The following MYO9A variants were observed in gnomAD, a reference collection of about 807,000 sequenced individuals.
The protein encoded by MYO9A is unconventional myosin-IXa.
In MYO9A, 103 loss-of-function variants were observed where a neutral mutation model predicts 293.3. That is an observed-to-expected ratio of 0.35 (90% CI 0.30 to 0.41). The LOEUF (loss-of-function observed/expected upper bound fraction) is 0.41. Among genes scored for constraint, MYO9A ranks in the 10% least tolerant of loss-of-function variants. The pLI is 1.00. For missense variants in MYO9A, 2,685 were observed against 3,033.0 expected (o/e 0.89, Z 2.69); for synonymous variants, 1,001 against 1,035.7 (o/e 0.97, Z 0.64).
intron 30 of MYO9A, among the ~76,000 whole-genome samples, chr15:71,878,713 ATTTCTTTTATTTAAATGAGATCTGGAAT>A (rs2056772273): frequency 6.9e-6 from 1 of 145,676 alleles, no homozygotes; most frequent in Non-Finnish European, 1.5e-5. Flanking sequence ...CTGAAATAGA[ATTTCTTTTATTTAAATGAGATCTGGAAT>A]TTTTTTTTTT....
chr15:72,056,472 A>C (rs1413523065), intron 1 of MYO9A, among the ~76,000 whole-genome samples: 1 of 152,254 alleles, frequency 6.6e-6, no homozygotes, highest in Non-Finnish European at 1.5e-5. Flanking sequence ...CATTAATCTA[A>C]GTGAAGTAAC....
chr15:72,030,258 C>T (rs561527695), intron 3 of MYO9A, among the ~76,000 whole-genome samples: 45 of 152,230 alleles, frequency 3.0e-4, no homozygotes, highest in Non-Finnish European at 4.9e-4. Flanking sequence ...AACCACCTTG[C>T]GTGGCAAATA....
intron 14 of MYO9A, among the ~76,000 whole-genome samples, chr15:71,956,840 C>T (rs1034614689): frequency 1.8e-4 from 18 of 98,206 alleles, no homozygotes; most frequent in Admixed American, 1.1e-3. Flanking sequence ...TATATATACA[C>T]ACACACACAC....
chr15:72,022,774 G>A (rs980022643), intron 4 of MYO9A, among the ~76,000 whole-genome samples: 2 of 151,844 alleles, frequency 1.3e-5, no homozygotes, highest in Non-Finnish European at 2.9e-5. Context: ...TCTCGAACTC[G>A]TGGGGGCTCA....
At chr15:72,060,104 A>G (rs2078838936) in intron 1 of MYO9A, among the ~76,000 whole-genome samples, 1 of 152,138 alleles carries the variant, frequency 6.6e-6, no homozygotes, top group Non-Finnish European at 1.5e-5. Flanking sequence ...ATTTTTTTGT[A>G]CATTTTGGCT....
chr15:72,105,665 G>A (rs145590520), intron 1 of MYO9A, among the ~76,000 whole-genome samples: 1,910 of 151,982 alleles, frequency 0.013, 57 homozygotes, highest in Admixed American at 0.058. Flanking sequence ...GTGCCACCAC[G>A]CCCAGCTAAT....
chr15:71,964,377 T>C lies in MYO9A; in HGVS notation c.1986+3607A>G, dbSNP rs28853032. 5.6e-3 allele frequency among the ~76,000 whole-genome samples: 854 copies of C among 152,254 alleles called. 12 individuals carry two copies. The highest frequency in any genetic ancestry group is 0.019 in the African/African-American group (809 of 41,566). Reference sequence around the variant, plus strand: ...AGAACCACTTTTCAATCAAGCATGGTGGCTCACACCTGTAATCCCAGCACT... The same window carrying C: ...AGAACCACTTTTCAATCAAGCATGGCGGCTCACACCTGTAATCCCAGCACT... On this transcript the variant is annotated intron_variant, in intron 13 of 41. Coordinates refer to ENST00000356056, the MANE Select transcript of MYO9A (RefSeq NM_006901.4).
chr15:72,056,889 C>T (rs1167879709), intron 1 of MYO9A, among the ~76,000 whole-genome samples: 1 of 152,094 alleles, frequency 6.6e-6, no homozygotes, highest in Non-Finnish European at 1.5e-5. Context: ...GCGGGCGGAT[C>T]ACCTGAGGTC....
intron 1 of MYO9A, among the ~76,000 whole-genome samples, chr15:72,090,878 G>C (rs930738720): frequency 1.3e-5 from 2 of 151,840 alleles, no homozygotes; most frequent in African/African-American, 4.8e-5. Flanking sequence ...ACAATGATTG[G>C]GTGCTGGGCG....
chr15:71,875,113 AAT>A (rs2056641780), intron 32 of MYO9A, among the ~76,000 whole-genome samples: 1 of 151,976 alleles, frequency 6.6e-6, no homozygotes, highest in Admixed American at 6.6e-5. Flanking sequence ...TAAACCACAT[AAT>A]ATATATGTGA....
chr15:71,958,781 G>C (rs2059260651), intron 14 of MYO9A: 1 of 152,196 alleles, frequency 6.6e-6, no homozygotes, highest in South Asian at 2.1e-4. Context: ...TCAAGGTAGA[G>C]AAAATACAGG....
intron 9 of MYO9A, among the ~76,000 whole-genome samples, chr15:71,997,794 G>A (rs1470106096): frequency 1.3e-5 from 2 of 152,192 alleles, no homozygotes; most frequent in East Asian, 1.9e-4. Flanking sequence ...GAGTCACAAT[G>A]GCTATTGTTA....
Position 71,897,544 on chromosome 15 carries a change from G to C in MYO9A, c.4959C>G (p.Tyr1653Ter), listed in dbSNP as rs375138502. 1.2e-6 allele frequency: 2 copies of C among 1,614,140 alleles called. No individual in the cohort carries two copies. Among genetic ancestry groups the C allele is most frequent in the Non-Finnish European group, 1.7e-6 (2 of 1,180,000 alleles). The change falls in exon 25 of 42, where the codon TAC becomes TAG. Residue 1653 changes from tyrosine to a stop codon, truncating the protein, a stop_gained. Transcript: ENST00000356056. LOFTEE classifies it high-confidence loss of function. Reference protein sequence around the residue: ...KREHFRPTQSYSHNSDDLSRE... With the variant: ...KREHFRPTQS ...TGGAAAGGTCATCAGAATTGTGGCTGTAAGACTGAGTTGGCCTAAAGTGTT... is the reference window on the plus strand; with the variant it reads ...TGGAAAGGTCATCAGAATTGTGGCTCTAAGACTGAGTTGGCCTAAAGTGTT...
chr15:72,101,480 C>T (rs556060451), intron 1 of MYO9A, among the ~76,000 whole-genome samples: 1 of 124,258 alleles, frequency 8.0e-6, no homozygotes, highest in Non-Finnish European at 1.8e-5. Context: ...GGTCAGCCCC[C>T]CGCCCGGCCA....
intron 1 of MYO9A, among the ~76,000 whole-genome samples, chr15:72,084,656 T>G (rs1413302796): frequency 1.3e-5 from 2 of 152,236 alleles, no homozygotes; most frequent in Non-Finnish European, 2.9e-5. Flanking sequence ...AAGACACGTC[T>G]GACGGTATCA....
At chr15:71,945,124 G>C (rs534764296) in intron 15 of MYO9A, among the ~76,000 whole-genome samples, 1 of 152,236 alleles carries the variant, frequency 6.6e-6, no homozygotes, top group African/African-American at 2.4e-5. Context: ...ATAGTTTTTA[G>C]AGGAACAACA....
intron 1 of MYO9A, among the ~76,000 whole-genome samples, chr15:72,103,311 C>A (rs2080434596): frequency 7.7e-6 from 1 of 129,788 alleles, no homozygotes; most frequent in East Asian, 2.8e-4. Context: ...GAAGCAGAAG[C>A]AGCAGCAAGC....
At chr15:72,018,041 A>T (rs1020414389) in intron 6 of MYO9A, among the ~76,000 whole-genome samples, 1 of 152,150 alleles carries the variant, frequency 6.6e-6, no homozygotes, top group Non-Finnish European at 1.5e-5. Context: ...AGCCTGGACA[A>T]CATAGTGAGA....
At chr15:71,891,333 G>A (rs1181911925) in intron 26 of MYO9A, 1 of 152,166 alleles carries the variant, frequency 6.6e-6, no homozygotes, top group Non-Finnish European at 1.5e-5. Context: ...CAACTTCCTG[G>A]TTCATCTCAG....
Sources: gnomAD v4.1 joint callset for allele counts (sites outside exome capture counted in the v4.1 genomes callset) on GRCh38, gnomAD v4.1.1 for gene constraint, MANE v1.5 for transcripts, NCBI Gene and HGNC (gene_info 2026-07-23, HGNC 2026-07-21) for gene names.